The following TEKT5 variants were observed in gnomAD, a reference collection of about 807,000 sequenced individuals.
TEKT5 encodes tektin-5.
Under a neutral mutation model 48.7 loss-of-function variants are expected in TEKT5, and 52 were observed. That is an observed-to-expected ratio of 1.07 (90% CI 0.86 to 1.35). The LOEUF is 1.35. TEKT5 is among the 40% of genes most tolerant of loss of function. The probability of loss-of-function intolerance (pLI) is 0.00; values close to 1 mark genes in which losing one functional copy is unlikely to be tolerated. For synonymous variants in TEKT5, 318 were observed against 267.6 expected, an observed-to-expected ratio of 1.19 and a Z score of -1.84; for missense variants, 831 against 641.6, an observed-to-expected ratio of 1.30 and a Z score of -3.19.
chr16:10,661,337 G>A (rs907045353), intron 5 of TEKT5, among the ~76,000 whole-genome samples: 2 of 152,084 alleles, frequency 1.3e-5, no homozygotes, highest in African/African-American at 4.8e-5. Flanking sequence ...GCAGCACCTC[G>A]CTACTCCAAG....
At chr16:10,679,388 C>G (rs1455539209) in intron 4 of TEKT5, among the ~76,000 whole-genome samples, 1 of 147,616 alleles carries the variant, frequency 6.8e-6, no homozygotes, top group Non-Finnish European at 1.5e-5. Flanking sequence ...ACCTGGGAGG[C>G]AGAGGTTGCA....
At chr16:10,689,845 G>C in intron 2 of TEKT5, 97 bp downstream of exon 2, 1 of 1,205,526 alleles carries the variant, frequency 8.3e-7, no homozygotes, top group Non-Finnish European at 1.2e-6. Context: ...AGTGACACGT[G>C]TGGCTTCTGC....
intron 5 of TEKT5, among the ~76,000 whole-genome samples, chr16:10,656,981 C>G (rs866336138): frequency 6.6e-6 from 1 of 152,128 alleles, no homozygotes; most frequent in African/African-American, 2.4e-5. Flanking sequence ...TCAAGTGATC[C>G]TCCCACCACA....
At chr16:10,628,873 T>G (rs897406000) in intron 6 of TEKT5, among the ~76,000 whole-genome samples, 1 of 137,592 alleles carries the variant, frequency 7.3e-6, no homozygotes, top group Non-Finnish European at 1.5e-5. Context: ...ATCATTGCAC[T>G]CCAGCCTGGG....
intron 3 of TEKT5, among the ~76,000 whole-genome samples, chr16:10,688,271 C>T (rs538392376): frequency 1.3e-5 from 2 of 152,304 alleles, no homozygotes; most frequent in South Asian, 2.1e-4. Flanking sequence ...TGTGTCTGTC[C>T]GTGACCAAGC....
At position 10,633,482 on chromosome 16, in the gene TEKT5, C is replaced by T. The variant is rs1596399502; in HGVS notation, c.1241+2282G>A. Among the ~76,000 whole-genome samples, 2 of 152,084 alleles carry T rather than the reference C, an allele frequency of 1.3e-5. 1 individual carries two copies. Among genetic ancestry groups the T allele is most frequent in the South Asian group, 4.1e-4 (2 of 4,830 alleles). ...GGGAAGAGAGGTCAGCAGAGCCCAGCCCCCACTCTCCTGCACCCAGGACCT... is the reference window on the plus strand; with the variant it reads ...GGGAAGAGAGGTCAGCAGAGCCCAGTCCCCACTCTCCTGCACCCAGGACCT... On this transcript the variant is annotated intron_variant, in intron 6 of 6. Coordinates refer to ENST00000283025, the MANE Select transcript of TEKT5 (RefSeq NM_144674.2).
At chr16:10,648,081 T>C (rs1257949289) in intron 5 of TEKT5, among the ~76,000 whole-genome samples, 1 of 152,218 alleles carries the variant, frequency 6.6e-6, no homozygotes, top group Non-Finnish European at 1.5e-5. Context: ...ATTTATTAAA[T>C]GCCTTTGATG....
chr16:10,648,388 G>A lies in TEKT5; in HGVS notation c.1087-12470C>T, dbSNP rs966706178. On this transcript the variant is annotated intron_variant, in intron 5 of 6. Coordinates refer to ENST00000283025, the MANE Select transcript of TEKT5 (RefSeq NM_144674.2). ...GCTGGAATGCAGTGGAGTGATCTCGGCTCACTGCAACCTCCGCCTCCCAGG... is the reference window on the plus strand; with the variant it reads ...GCTGGAATGCAGTGGAGTGATCTCGACTCACTGCAACCTCCGCCTCCCAGG... 7.5e-4 allele frequency among the ~76,000 whole-genome samples: 114 copies of A among 152,046 alleles called. 10 individuals are homozygous for A. The highest frequency in any genetic ancestry group is 1.0e-4 in the Non-Finnish European group (7 of 68,002).
intron 5 of TEKT5, among the ~76,000 whole-genome samples, chr16:10,653,519 T>C (rs1351397608): frequency 6.6e-6 from 1 of 152,260 alleles, no homozygotes; most frequent in Non-Finnish European, 1.5e-5. Context: ...ACAACCTCTC[T>C]GTGCCTCATG....
intron 2 of TEKT5, 67 bp from the exon 3 acceptor site, chr16:10,689,390 A>G (rs984781754): frequency 1.2e-4 from 172 of 1,390,326 alleles, no homozygotes; most frequent in Non-Finnish European, 1.7e-4. Flanking sequence ...CCCAGGCCAG[A>G]GCCCTCAGCT....
chr16:10,627,658 G>C lies in TEKT5; in HGVS notation c.1383C>G (p.Leu461=). Residue 461 remains leucine, a synonymous_variant, in exon 7 of 7, where the codon CTC becomes CTG. Transcript: ENST00000283025. Reference sequence around the variant, plus strand: ...CCATGCACTTCTCCTTGTCGATGCAGAGGGTGTTGGCCTTGATGGCGAGCT... The same window carrying C: ...CCATGCACTTCTCCTTGTCGATGCACAGGGTGTTGGCCTTGATGGCGAGCT... ...EHELAIKANT[L]CIDKEKCMGM... is the part of the protein sequence containing the mutation. The C allele has an allele frequency of 6.2e-7, 1 of 1,614,238 alleles. No individual in the cohort carries two copies. The highest frequency in any genetic ancestry group is 1.3e-5 in the African/African-American group (1 of 75,070).
At chr16:10,647,573 A>G (rs184704910) in intron 5 of TEKT5, among the ~76,000 whole-genome samples, 73 of 151,956 alleles carry the variant, frequency 4.8e-4, no homozygotes, top group Admixed American at 1.8e-3. Flanking sequence ...CTCCACCAGT[A>G]GGTGCTGTTG....
chr16:10,676,031 G>A lies in TEKT5; in HGVS notation c.1014C>T (p.Thr338=). The change falls in exon 5 of 7, where the codon ACC becomes ACT. Residue 338 remains threonine, a synonymous_variant. Transcript: ENST00000283025. The part of the protein sequence containing the change: ...SDQMWRQFTD[T]NLAFNARISE... ...AGATGCGGGCGTTGAAGGCCAGGTT[G>A]GTGTCTGTGAACTGCCTCCACATCT... 6.2e-7 allele frequency: 1 copy of A among 1,614,236 alleles called. No homozygotes were observed. The highest frequency in any genetic ancestry group is 8.5e-7 in the Non-Finnish European group (1 of 1,180,052).
At chr16:10,634,858 G>A (rs1459513468) in intron 6 of TEKT5, among the ~76,000 whole-genome samples, 2 of 152,294 alleles carry the variant, frequency 1.3e-5, no homozygotes, top group South Asian at 4.1e-4. Context: ...CCCCAGTCCA[G>A]CCTTGAGATA....
rs191646719 is a variant in TEKT5 at position 10,648,517 on chromosome 16, A to G, written c.1087-12599T>C. 2.0e-5 allele frequency among the ~76,000 whole-genome samples: 3 copies of G among 152,204 alleles called. No homozygotes were observed. The East Asian group carries it at 5.8e-4, about 29-fold the overall frequency. ...TTTATTTATTTATTTTTGTTAGTAG[A>G]GACAGGGTTTTGCCATGTTGGCCAG... On this transcript the variant is annotated intron_variant, in intron 5 of 6. Coordinates refer to ENST00000283025, the MANE Select transcript of TEKT5 (RefSeq NM_144674.2).
intron 5 of TEKT5, among the ~76,000 whole-genome samples, chr16:10,654,930 C>CT (rs1898232695): frequency 1.7e-4 from 10 of 57,856 alleles, no homozygotes; most frequent in African/African-American, 6.5e-4. Context: ...TGTCTCCCCC[C>CT]CCTCCCCTCC....
At chr16:10,689,398 G>C in intron 2 of TEKT5, 75 bp from the exon 3 acceptor site, 3 of 1,326,368 alleles carry the variant, frequency 2.3e-6, no homozygotes, top group Non-Finnish European at 3.2e-6. Flanking sequence ...AGAGCCCTCA[G>C]CTCTCCCCTC....
At chr16:10,684,017 A>G (rs999316370) in intron 3 of TEKT5, among the ~76,000 whole-genome samples, 1 of 152,242 alleles carries the variant, frequency 6.6e-6, no homozygotes, top group African/African-American at 2.4e-5. Flanking sequence ...TATTAATACT[A>G]CGTAGGCACT....
chr16:10,652,643 CT>C, intron 5 of TEKT5, among the ~76,000 whole-genome samples: 4 of 76,640 alleles, frequency 5.2e-5, no homozygotes, highest in South Asian at 1.2e-3. Context: ...CACACACACC[CT>C]CCAGGCCAAG....
Sources: gnomAD v4.1 joint callset for allele counts (sites outside exome capture counted in the v4.1 genomes callset) on GRCh38, gnomAD v4.1.1 for gene constraint, MANE v1.5 for transcripts, NCBI Gene and HGNC (gene_info 2026-07-23, HGNC 2026-07-21) for gene names.